The following PLK5 variants were observed in gnomAD, a reference collection of about 807,000 sequenced individuals.
PLK5 encodes inactive serine/threonine-protein kinase PLK5.
PLK5 carries 28 observed loss-of-function variants against 33.7 expected under a neutral mutation model. That is an observed-to-expected ratio of 0.83 (90% CI 0.62 to 1.14). PLK5 has a LOEUF of 1.14. Among genes scored for constraint, PLK5 ranks in the 50% most tolerant of loss-of-function variants. The probability of loss-of-function intolerance (pLI) is 0.00; values close to 1 mark genes in which losing one functional copy is unlikely to be tolerated. For missense variants in PLK5, 492 were observed against 461.5 expected, an observed-to-expected ratio of 1.07 and a Z score of -0.61; for synonymous variants, 225 against 202.2, an observed-to-expected ratio of 1.11 and a Z score of -0.96.
Position 1,526,471 on chromosome 19 carries a change from G to T in PLK5, c.-312-15G>T. ...TACATTTGCCTTCTAATCCGGGGCC[G>T]CTGGTCACCCACAGTCTTTGGCCCA... On this transcript the variant is annotated splice_polypyrimidine_tract_variant and intron_variant, in intron 3 of 13. Transcript: ENST00000454744. The T allele has an allele frequency of 4.3e-6, 1 of 233,536 alleles. No individual in the cohort carries two copies. The highest frequency in any genetic ancestry group is 8.8e-6 in the Non-Finnish European group (1 of 113,998). 14.5% of individuals were successfully genotyped at this position (233,536 alleles called of 1,614,324 possible).
intron 12 of PLK5, among the ~76,000 whole-genome samples, chr19:1,532,209 C>A (rs879414951): frequency 2.0e-5 from 3 of 152,116 alleles, no homozygotes; most frequent in Non-Finnish European, 4.4e-5. Flanking sequence ...AGATCGAGAT[C>A]AGCCTGGACA....
chr19:1,534,679 T>C (rs1033232753), intron 13 of PLK5, among the ~76,000 whole-genome samples: 2 of 145,208 alleles, frequency 1.4e-5, no homozygotes, highest in Admixed American at 6.9e-5. Flanking sequence ...TAGCCGGGCG[T>C]GGTGGCGGGC....
chr19:1,527,832 T>C, intron 6 of PLK5, 104 bp from the exon 7 acceptor site: 3 of 1,169,584 alleles, frequency 2.6e-6, no homozygotes, highest in Non-Finnish European at 3.6e-6. Context: ...AGGAAGCCGA[T>C]ATGGGTTGCA....
At chr19:1,534,791 T>C (rs527378794) in intron 13 of PLK5, among the ~76,000 whole-genome samples, 6 of 150,258 alleles carry the variant, frequency 4.0e-5, no homozygotes, top group African/African-American at 1.5e-4. Context: ...CACTCCAGCC[T>C]GGGTGACAGA....
intron 13 of PLK5, among the ~76,000 whole-genome samples, chr19:1,534,288 C>G (rs567001481): frequency 1.3e-5 from 2 of 151,978 alleles, no homozygotes; most frequent in East Asian, 3.8e-4. Context: ...GCGGGCAGAT[C>G]GCAAGGTGAA....
intron 11 of PLK5, among the ~76,000 whole-genome samples, chr19:1,531,309 TGAGG>T (rs1913920742): frequency 6.6e-6 from 1 of 151,682 alleles, no homozygotes; most frequent in African/African-American, 2.4e-5. Flanking sequence ...CTCAGGAGGC[TGAGG>T]GAGGAGAATC....
At chr19:1,534,192 C>T (rs10775585) in intron 13 of PLK5, among the ~76,000 whole-genome samples, 151 bp downstream of exon 13, 38,805 of 149,380 alleles carry the variant, frequency 0.26, 5,767 homozygotes, top group East Asian at 0.64. Context: ...CTCCTGCGTA[C>T]AAAACCACAG....
rs1219967637 is a variant in PLK5, at chr19:1,526,919, C to A, written c.-78C>A. On this transcript the variant is annotated 5_prime_UTR_variant, in exon 6 of 14. Coordinates refer to ENST00000454744, the MANE Select transcript of PLK5 (RefSeq NM_001243079.2). ...CCTTCCTAGAGTACTCTGTGGGACCCCTAACTTCCTGGACCCTGAGGTTGT... is the reference window on the plus strand; with the variant it reads ...CCTTCCTAGAGTACTCTGTGGGACCACTAACTTCCTGGACCCTGAGGTTGT... 1.3e-6 allele frequency: 2 copies of A among 1,505,582 alleles called. No homozygotes were observed. Among genetic ancestry groups the A allele is most frequent in the African/African-American group, 1.4e-5 (1 of 72,328 alleles). 93.3% of individuals were successfully genotyped at this position (1,505,582 alleles called of 1,614,324 possible).
rs562198618 is a variant in PLK5 at position 1,531,838 on chromosome 19, G to C, written c.669G>C (p.Gly223=). The C allele has an allele frequency of 5.9e-6, 9 of 1,531,750 alleles. No homozygotes were observed. The African/African-American group carries it at 6.8e-5, about 12-fold the overall frequency. The allele number at this position is 1,531,750 out of a possible 1,614,324, so 94.9% of individuals were successfully genotyped here. ...GCTTTGGCTACCAGCTCTTGGACGG[G>C]GGGCGCACGGGACGGCACCCACATG... ...KYGFGYQLLD[G]GRTGRHPHGP... The change falls in exon 12 of 14, where the codon GGG becomes GGC. Residue 223 remains glycine (G), a synonymous_variant. Transcript: ENST00000454744.
At position 1,528,049 on chromosome 19, in the gene PLK5, G is replaced by A. The variant is rs563309539; in HGVS notation, c.116G>A (p.Arg39His). 2.6e-5 allele frequency: 40 copies of A among 1,536,072 alleles called. No individual in the cohort carries two copies. The highest frequency in any genetic ancestry group is 3.6e-5 in the South Asian group (3 of 84,066). Residue 39 changes from arginine (R) to histidine (H), a missense_variant, in exon 7 of 14, where the codon CGC becomes CAC. Transcript: ENST00000454744. ...CCCGCTCACCTGTCTGCCAATGCGC[G>A]CCGCCTCATCGTGCACCTCCTAGCA... ...PEPAHLSANA[R>H]RLIVHLLAPN... is the part of the protein sequence containing the mutation.
At position 1,531,664 on chromosome 19, in the gene PLK5, C is replaced by T. The variant is rs146667790; in HGVS notation, c.569-74C>T. On this transcript the variant is annotated intron_variant, in intron 11 of 13. Transcript: ENST00000454744. ...AAGGGTCTCACCCATGGTTTCAGTC[C>T]ATCACATTTATTGAGTGCCTACTAT... The T allele has an allele frequency of 6.8e-4, 1,014 of 1,484,500 alleles. 6 individuals carry two copies. In the African/African-American group the frequency reaches 0.013, roughly 19 times the overall value. The allele number at this position is 1,484,500 out of a possible 1,614,324, so 92.0% of individuals were successfully genotyped here. A position where few individuals can be genotyped will look rare whatever the true frequency, so the allele number is the denominator to read the frequency against.
rs1568254311 is a variant in PLK5 at position 1,531,722 on chromosome 19, C to A, written c.569-16C>A. 1.3e-6 allele frequency: 2 copies of A among 1,536,598 alleles called. No individual in the cohort carries two copies. The highest frequency in any genetic ancestry group is 2.4e-5 in the East Asian group (1 of 40,948). ...ACCCCTGACCCCTGGCTCAGCATAC[C>A]TTTGTTTGTGCCCAGCCACACAGGA... On this transcript the variant is annotated splice_polypyrimidine_tract_variant and intron_variant, in intron 11 of 13. Transcript: ENST00000454744.
At position 1,527,933 on chromosome 19, in the gene PLK5, C is replaced by T; in HGVS notation, c.3-3C>T. On this transcript the variant is annotated splice_region_variant and splice_polypyrimidine_tract_variant and intron_variant, in intron 6 of 13. Coordinates refer to ENST00000454744, the MANE Select transcript of PLK5 (RefSeq NM_001243079.2). ...CCAGGTTCTTGCCCCCCACCTGGCC[C>T]AGGTACACGGTGCTGACTGGCACCC... The T allele has an allele frequency of 1.3e-6, 2 of 1,531,684 alleles. No individual in the cohort carries two copies. Among genetic ancestry groups the T allele is most frequent in the South Asian group, 2.4e-5 (2 of 83,744 alleles). The allele number at this position is 1,531,684 out of a possible 1,614,324, so 94.9% of individuals were successfully genotyped here.
intron 7 of PLK5, 71 bp from the exon 8 acceptor site, chr19:1,528,231 G>T (rs1568252770): frequency 1.3e-6 from 2 of 1,535,052 alleles, no homozygotes; most frequent in Admixed American, 2.0e-5. Context: ...GCCCCGCCCT[G>T]TCCCAGGTAA....
chr19:1,524,103 C>A lies in PLK5; in HGVS notation c.-687C>A, dbSNP rs548958577. On this transcript the variant is annotated 5_prime_UTR_variant, in exon 1 of 14. Coordinates refer to ENST00000454744, the MANE Select transcript of PLK5 (RefSeq NM_001243079.2). The surrounding 1 kb of genome is among the most constrained non-coding windows in gnomAD (Gnocchi z 4.5). ...GAGCGGCCCCGGAGCGGCCGCAGCG[C>A]GGTGGTCTCGGCCCGGCTGCGCCAG... 1.3e-5 allele frequency: 2 copies of A among 151,132 alleles called. No individual in the cohort carries two copies. The highest frequency in any genetic ancestry group is 2.4e-5 in the African/African-American group (1 of 41,334). 9.4% of individuals were successfully genotyped at this position (151,132 alleles called of 1,614,324 possible).
intron 10 of PLK5, 62 bp downstream of exon 10, chr19:1,529,552 G>A (rs1913865139): frequency 2.0e-6 from 3 of 1,483,278 alleles, no homozygotes; most frequent in Non-Finnish European, 9.1e-7. Flanking sequence ...ACAAGTGACA[G>A]GGGGACCAAG....
Position 1,533,846 on chromosome 19 carries a change from G to A in PLK5, c.715-85G>A, listed in dbSNP as rs1914004187. The stretch of plus-strand genomic sequence containing the variant: ...CGGCTGCCTGCGGCGGCGGCTGCGG[G>A]AGGTGAGAGCTGGGGTGCTGGGTGT... On this transcript the variant is annotated intron_variant, in intron 12 of 13. Coordinates refer to ENST00000454744, the MANE Select transcript of PLK5 (RefSeq NM_001243079.2). 1.8e-5 allele frequency: 20 copies of A among 1,112,524 alleles called. No homozygotes were observed. The South Asian group carries it at 2.2e-4, about 12-fold the overall frequency. The allele number at this position is 1,112,524 out of a possible 1,614,324, so 68.9% of individuals were successfully genotyped here.
rs1914083004 is a variant in PLK5, at chr19:1,536,003, TC to T, written c.*755del. The T allele has an allele frequency of 6.6e-6, 1 of 152,404 alleles. No homozygotes were observed. Among genetic ancestry groups the T allele is most frequent in the Non-Finnish European group, 1.5e-5 (1 of 68,268 alleles). The allele number at this position is 152,404 out of a possible 1,614,324, so 9.4% of individuals were successfully genotyped here. On this transcript the variant is annotated 3_prime_UTR_variant, in exon 14 of 14. Transcript: ENST00000454744. Reference sequence around the variant, plus strand: ...AGGCTGGAAAGATGGCTGGCTATGCTCCGGGACACAGTTGGCACAACCGTCA... The same window carrying T: ...AGGCTGGAAAGATGGCTGGCTATGCTCGGGACACAGTTGGCACAACCGTCA...
At chr19:1,527,372 C>T (rs1030483139) in intron 6 of PLK5, among the ~76,000 whole-genome samples, 2 of 152,038 alleles carry the variant, frequency 1.3e-5, no homozygotes, top group South Asian at 4.1e-4. Context: ...GAGGCCGAGG[C>T]AGGAGGATCG....
Sources: gnomAD v4.1 joint callset for allele counts (sites outside exome capture counted in the v4.1 genomes callset) on GRCh38, gnomAD v4.1.1 for gene constraint, Gnocchi (gnomAD v3.1) non-coding constraint, MANE v1.5 for transcripts, NCBI Gene and HGNC (gene_info 2026-07-23, HGNC 2026-07-21) for gene names.